Variants in PIK3IP1 observed in about 807,000 individuals in gnomAD.
PIK3IP1 encodes the protein phosphoinositide-3-kinase interacting protein 1.
In PIK3IP1, 28 loss-of-function variants were observed where a neutral mutation model predicts 30.7. The ratio of observed to expected loss-of-function variants is 0.91; its 90% confidence interval spans 0.68 to 1.25. The LOEUF is 1.25. Ranked by LOEUF, PIK3IP1 falls within the 50% of genes most tolerant of loss-of-function variation. The pLI is 0.00. For missense variants in PIK3IP1, 333 were observed against 346.2 expected, an observed-to-expected ratio of 0.96 and a Z score of 0.30; for synonymous variants, 159 against 140.8, an observed-to-expected ratio of 1.13 and a Z score of -0.91.
chr22:31,291,144 C>A, intron 2 of PIK3IP1, 36 bp downstream of exon 2: 2 of 1,537,162 alleles, frequency 1.3e-6, no homozygotes, highest in Admixed American at 2.1e-5. Context: ...GGCCGCCGCC[C>A]GCCAGCCCCG....
chr22:31,287,282 G>A (rs1313556584), intron 5 of PIK3IP1, among the ~76,000 whole-genome samples: 2 of 149,368 alleles, frequency 1.3e-5, no homozygotes, highest in African/African-American at 5.0e-5. Flanking sequence ...GCCTCCCAAA[G>A]TGCTAGGATT....
intron 5 of PIK3IP1, among the ~76,000 whole-genome samples, chr22:31,286,319 G>C (rs1386020142): frequency 6.6e-6 from 1 of 152,158 alleles, no homozygotes; most frequent in Non-Finnish European, 1.5e-5. Flanking sequence ...TGTGGAGGGA[G>C]GATATATCCC....
At position 31,289,686 on chromosome 22, in the gene PIK3IP1, C is replaced by T; in HGVS notation, c.321G>A (p.Gln107=). ...EDLRCPETTS[Q]ALPAFTTEIQ... is the part of the protein sequence containing the mutation. Reference sequence around the variant, plus strand: ...TTTCTGTCGTGAAGGCTGGCAGGGCCTGGGAGGTGGTCTCTGGAGATGAGG... The same window carrying T: ...TTTCTGTCGTGAAGGCTGGCAGGGCTTGGGAGGTGGTCTCTGGAGATGAGG... The change falls in exon 4 of 6, where the codon CAG becomes CAA. Residue 107 remains glutamine (Q), a synonymous_variant. Coordinates refer to ENST00000215912, the MANE Select transcript of PIK3IP1 (RefSeq NM_052880.5). The T allele has an allele frequency of 6.4e-7, 1 of 1,552,424 alleles. No individual in the cohort carries two copies. The highest frequency in any genetic ancestry group is 8.7e-7 in the Non-Finnish European group (1 of 1,147,226).
intron 5 of PIK3IP1, among the ~76,000 whole-genome samples, chr22:31,288,476 C>G (rs1014192313): frequency 6.6e-6 from 1 of 152,086 alleles, no homozygotes. Flanking sequence ...TGTCACTTTC[C>G]TCACAGGAAG....
At chr22:31,290,004 G>A in intron 3 of PIK3IP1, 1 of 323,000 alleles carries the variant, frequency 3.1e-6, no homozygotes, top group East Asian at 5.7e-5. Context: ...TTCTGCAGGG[G>A]ATTCCCCCCA....
At chr22:31,287,497 A>AT (rs1205672417) in intron 5 of PIK3IP1, among the ~76,000 whole-genome samples, 1 of 150,356 alleles carries the variant, frequency 6.7e-6, no homozygotes, top group African/African-American at 2.5e-5. Context: ...CGCCTGGCTA[A>AT]TTTTTTGTAT....
intron 5 of PIK3IP1, among the ~76,000 whole-genome samples, chr22:31,288,463 C>T (rs1430470163): frequency 6.6e-6 from 1 of 151,944 alleles, no homozygotes; most frequent in Non-Finnish European, 1.5e-5. Flanking sequence ...ATGCAGGCTA[C>T]TGTGTCACTT....
rs746324699 is a variant in PIK3IP1, at chr22:31,290,948, G to A, written c.307+17C>T. The A allele has an allele frequency of 3.9e-6, 6 of 1,550,322 alleles. No homozygotes were observed. In the South Asian group the frequency reaches 4.8e-5, roughly 12 times the overall value. ...TCAGCGCCAGGAGCGGGGATTCCCG[G>A]GGTCCCGGGCAGGTACCTGGACAGC... is the stretch of plus-strand genomic sequence containing the variant. On this transcript the variant is annotated intron_variant, in intron 3 of 5. Coordinates refer to ENST00000215912, the MANE Select transcript of PIK3IP1 (RefSeq NM_052880.5).
chr22:31,283,596 T>C (rs1313119313), intron 5 of PIK3IP1, among the ~76,000 whole-genome samples: 12 of 151,472 alleles, frequency 7.9e-5, no homozygotes, highest in Non-Finnish European at 1.8e-4. Context: ...ACAGAGACTT[T>C]TTTTTTTTTT....
chr22:31,290,823 C>T (rs141171195), intron 3 of PIK3IP1, 142 bp downstream of exon 3: 1 of 1,271,384 alleles, frequency 7.9e-7, no homozygotes, highest in African/African-American at 1.6e-5. Context: ...GCCCCGCGGC[C>T]TGGAGACAGC....
intron 3 of PIK3IP1, chr22:31,290,601 G>A (rs1453528505): frequency 9.9e-6 from 2 of 201,410 alleles, no homozygotes; most frequent in East Asian, 1.1e-4. Context: ...TGTGTCAGGG[G>A]AGGTTGGGGA....
rs1349235468 is a variant in PIK3IP1 at position 31,292,395 on chromosome 22, G to A, written c.-51C>T. 5 of 1,567,956 alleles carry A rather than the reference G, an allele frequency of 3.2e-6. 1 individual carries two copies. Among genetic ancestry groups the A allele is most frequent in the Non-Finnish European group, 4.4e-6 (5 of 1,138,500 alleles). On this transcript the variant is annotated 5_prime_UTR_variant, in exon 1 of 6. Transcript: ENST00000215912. ...ATTGAACGACCAGTGTTTAACCGAG[G>A]CCCCCTTGGCGGCGGCTCTGCCTCC... is the stretch of plus-strand genomic sequence containing the variant.
chr22:31,292,016 G>T (rs934544013), intron 1 of PIK3IP1, among the ~76,000 whole-genome samples: 1 of 152,208 alleles, frequency 6.6e-6, no homozygotes, highest in Admixed American at 6.5e-5. Flanking sequence ...TTGGGGAGTA[G>T]GGGAGATGAA....
In PIK3IP1 at chr22:31,292,403, G is replaced by T; in HGVS notation, c.-59C>A. The T allele has an allele frequency of 6.5e-7, 1 of 1,538,540 alleles. No individual in the cohort carries two copies. On this transcript the variant is annotated 5_prime_UTR_variant, in exon 1 of 6. Coordinates refer to ENST00000215912, the MANE Select transcript of PIK3IP1 (RefSeq NM_052880.5). ...ACCAGTGTTTAACCGAGGCCCCCTT[G>T]GCGGCGGCTCTGCCTCCCAGTCCCA...
At chr22:31,283,973 C>T (rs1303165498) in intron 5 of PIK3IP1, among the ~76,000 whole-genome samples, 1 of 152,088 alleles carries the variant, frequency 6.6e-6, no homozygotes, top group Non-Finnish European at 1.5e-5. Context: ...GGCACAATCT[C>T]GGCTCACTGC....
chr22:31,292,337 A>G lies in PIK3IP1; in HGVS notation c.8T>C (p.Leu3Ser). The change falls in exon 1 of 6, where the codon TTG becomes TCG. Residue 3 changes from leucine (L) to serine (S), a missense_variant. By Grantham distance (145) the Leu-to-Ser change is moderately radical. Around this residue, in one of 3 missense-constraint regions of PIK3IP1, gnomAD observed 111 missense variants for 100.1 expected, o/e 1.11. Transcript: ENST00000215912. ...GACGAGGAATGCTTGTACCCAGGCC[A>G]ACAGCATCCTTGCCTCCTTCGTCTT... ML[L>S]AWVQAFLVSN... is the part of the protein sequence containing the mutation. The G allele has an allele frequency of 5.6e-6, 9 of 1,614,136 alleles. No individual in the cohort carries two copies. Among genetic ancestry groups the G allele is most frequent in the Non-Finnish European group, 7.6e-6 (9 of 1,179,974 alleles).
rs201402922 is a variant in PIK3IP1, at chr22:31,292,242, A to C, written c.70+33T>G. The C allele has an allele frequency of 8.6e-5, 138 of 1,605,602 alleles. 1 individual carries two copies. Among genetic ancestry groups the C allele is most frequent in the Non-Finnish European group, 7.8e-5 (91 of 1,172,326 alleles). ...GGGCTTTACCCCTTCTGTTTCATGA[A>C]GTTGCTGCGGAAAGGAAAGATTGTA... On this transcript the variant is annotated intron_variant, in intron 1 of 5. Transcript: ENST00000215912.
At chr22:31,288,162 A>AG (rs2123889207) in intron 5 of PIK3IP1, among the ~76,000 whole-genome samples, 1 of 152,116 alleles carries the variant, frequency 6.6e-6, no homozygotes, top group Admixed American at 6.5e-5. Flanking sequence ...GGACTGCTTG[A>AG]GCCCAGGAGT....
intron 5 of PIK3IP1, chr22:31,288,960 C>T: frequency 2.2e-6 from 1 of 464,584 alleles, no homozygotes; most frequent in Non-Finnish European, 3.8e-6. Context: ...GTGCCACTCA[C>T]TTCAATGCCA....
Sources: gnomAD v4.1 joint callset for allele counts (sites outside exome capture counted in the v4.1 genomes callset) on GRCh38, gnomAD v4.1.1 for gene constraint, gnomAD v4.1.1 regional missense constraint, MANE v1.5 for transcripts, NCBI Gene and HGNC (gene_info 2026-07-23, HGNC 2026-07-21) for gene names.